The following FAM174B variants were observed in gnomAD, a reference collection of about 807,000 sequenced individuals.
FAM174B encodes the protein membrane protein FAM174B.
In FAM174B, 12 loss-of-function variants were observed where a neutral mutation model predicts 10.9. That is an observed-to-expected ratio of 1.10 (90% CI 0.71 to 1.79). The LOEUF (loss-of-function observed/expected upper bound fraction) is 1.79. Ranked by LOEUF, FAM174B falls within the 40% of genes most tolerant of loss-of-function variation. FAM174B has a pLI of 0.00. For missense variants in FAM174B, 266 were observed against 233.3 expected (o/e 1.14, Z -0.91); for synonymous variants, 132 against 115.8 (o/e 1.14, Z -0.90).
At chr15:92,652,904 C>T (rs1299066549) in intron 1 of FAM174B, among the ~76,000 whole-genome samples, 1 of 152,142 alleles carries the variant, frequency 6.6e-6, no homozygotes, top group Non-Finnish European at 1.5e-5. Flanking sequence ...GGAAAGGCCA[C>T]AGTACAGACC....
At chr15:92,630,380 C>T in intron 1 of FAM174B, 35 bp from the exon 2 acceptor site, 6 of 1,579,366 alleles carry the variant, frequency 3.8e-6, no homozygotes, top group Non-Finnish European at 5.2e-6. Flanking sequence ...GAGAACACAG[C>T]TGGGAGAGAA....
rs752320117 is a variant in FAM174B at position 92,655,639 on chromosome 15, G to A, written c.21C>T (p.Pro7=). The A allele has an allele frequency of 2.8e-5, 35 of 1,255,848 alleles. No homozygotes were observed. The highest frequency in any genetic ancestry group is 8.2e-5 in the Admixed American group (2 of 24,348). 77.8% of individuals were successfully genotyped at this position (1,255,848 alleles called of 1,614,324 possible). ...GCAGCAGCAGCGGCAGGAGCGGGGC[G>A]GGCAGCGGCACGGCGCGCATAGTGC... The part of the protein sequence containing the change: MRAVPL[P]APLLPLLLLA... Residue 7 remains proline (P), a synonymous_variant, in exon 1 of 3, where the codon CCC becomes CCT. Transcript: ENST00000327355.
At chr15:92,622,723 T>C (rs2050727623) in intron 2 of FAM174B, among the ~76,000 whole-genome samples, 9 of 152,370 alleles carry the variant, frequency 5.9e-5, no homozygotes, top group Admixed American at 5.9e-4. Flanking sequence ...GCTCCCTGCA[T>C]GTTGAGCCAC....
chr15:92,638,819 G>C (rs112426253), intron 1 of FAM174B, among the ~76,000 whole-genome samples: 1 of 152,092 alleles, frequency 6.6e-6, no homozygotes, highest in Non-Finnish European at 1.5e-5. Context: ...TCCTTCTTCC[G>C]AATCCTGCAG....
chr15:92,636,425 C>G (rs2050856690), intron 1 of FAM174B, among the ~76,000 whole-genome samples: 1 of 152,220 alleles, frequency 6.6e-6, no homozygotes, highest in Admixed American at 6.5e-5. Context: ...AAGGCATGTG[C>G]TGCTGGTATC....
intron 1 of FAM174B, chr15:92,645,641 A>G (rs3743360): frequency 0.15 from 22,890 of 152,260 alleles, 1,956 homozygotes; most frequent in East Asian, 0.3. Flanking sequence ...GGGCCAGGGA[A>G]GGGAAGTGAG....
intron 1 of FAM174B, among the ~76,000 whole-genome samples, chr15:92,643,499 T>A (rs2254142): frequency 0.17 from 25,125 of 152,178 alleles, 2,210 homozygotes; most frequent in Middle Eastern, 0.23. Context: ...GAATACTTTT[T>A]GCTATATGCT....
intron 1 of FAM174B, among the ~76,000 whole-genome samples, chr15:92,638,238 T>C (rs371972051): frequency 6.6e-6 from 1 of 152,230 alleles, no homozygotes; most frequent in East Asian, 1.9e-4. Context: ...AGATAATTTC[T>C]AGAAGAGATA....
At chr15:92,630,399 T>C in intron 1 of FAM174B, 54 bp from the exon 2 acceptor site, 1 of 1,546,344 alleles carries the variant, frequency 6.5e-7, no homozygotes, top group Non-Finnish European at 8.8e-7. Context: ...AAAGAGTCAC[T>C]GGGCCCCAAG....
chr15:92,626,093 A>G (rs187188037), intron 2 of FAM174B, among the ~76,000 whole-genome samples: 210 of 151,628 alleles, frequency 1.4e-3, no homozygotes, highest in Non-Finnish European at 2.2e-3. Context: ...AGAATTAATA[A>G]AAGTTTAGCA....
At chr15:92,624,127 A>C (rs2050737964) in intron 2 of FAM174B, among the ~76,000 whole-genome samples, 1 of 152,192 alleles carries the variant, frequency 6.6e-6, no homozygotes, top group African/African-American at 2.4e-5. Context: ...AAGAAACAAA[A>C]ATTCTCCATG....
intron 1 of FAM174B, among the ~76,000 whole-genome samples, chr15:92,640,222 G>C (rs2050881304): frequency 6.6e-6 from 1 of 152,012 alleles, no homozygotes; most frequent in African/African-American, 2.4e-5. Context: ...TTTTAAAAAA[G>C]GATGATAAAT....
At chr15:92,645,504 C>T (rs866370710) in intron 1 of FAM174B, 23 of 152,414 alleles carry the variant, frequency 1.5e-4, no homozygotes, top group African/African-American at 5.5e-4. Context: ...GGGATAAATC[C>T]AATGCTTACT....
chr15:92,637,083 A>AC (rs1395826416), intron 1 of FAM174B, among the ~76,000 whole-genome samples: 14 of 151,946 alleles, frequency 9.2e-5, no homozygotes, highest in Non-Finnish European at 2.9e-5. Context: ...GCCTGGCCAC[A>AC]CCCCCAGTTC....
intron 1 of FAM174B, among the ~76,000 whole-genome samples, chr15:92,638,408 G>A (rs570174239): frequency 3.3e-5 from 5 of 152,284 alleles, no homozygotes; most frequent in African/African-American, 1.2e-4. Context: ...GTGCTCATAC[G>A]TCCCACTTAT....
rs919425010 is a variant in FAM174B at position 92,655,603 on chromosome 15, C to T, written c.57G>A (p.Leu19=). The change falls in exon 1 of 3, where the codon CTG becomes CTA. Residue 19 remains leucine, a synonymous_variant. Coordinates refer to ENST00000327355, the MANE Select transcript of FAM174B (RefSeq NM_207446.3). The stretch of plus-strand genomic sequence containing the variant: ...TGCTGGCGCGGGCGGCGGGAGCGGC[C>T]AGGAGCGCGAGCAGCAGCAGCGGCA... ...PLLPLLLLAL[L]AAPAARASRA... 1.3e-5 allele frequency: 17 copies of T among 1,279,936 alleles called. No individual in the cohort carries two copies. The highest frequency in any genetic ancestry group is 1.4e-5 in the Non-Finnish European group (14 of 1,016,186). 79.3% of individuals were successfully genotyped at this position (1,279,936 alleles called of 1,614,324 possible).
chr15:92,650,572 C>T (rs1365258541), intron 1 of FAM174B, among the ~76,000 whole-genome samples: 5 of 152,164 alleles, frequency 3.3e-5, no homozygotes, highest in Admixed American at 1.3e-4. Flanking sequence ...GCAGGGTTTT[C>T]CTGACTTGCC....
Position 92,617,712 on chromosome 15 carries a change from G to A in FAM174B, c.*1744C>T. ...CTGCGAGGTGGCCAGGCTCCCGTGA[G>A]TCACCACTCAGGCCTGAGTACACCG... On this transcript the variant is annotated 3_prime_UTR_variant, in exon 3 of 3. Coordinates refer to ENST00000327355, the MANE Select transcript of FAM174B (RefSeq NM_207446.3). 1.5e-6 allele frequency: 1 copy of A among 682,194 alleles called. No homozygotes were observed. The highest frequency in any genetic ancestry group is 2.6e-6 in the Non-Finnish European group (1 of 377,774). The allele number at this position is 682,194 out of a possible 1,614,324, so 42.3% of individuals were successfully genotyped here. A position where few individuals can be genotyped will look rare whatever the true frequency, so the allele number is the denominator to read the frequency against.
intron 1 of FAM174B, among the ~76,000 whole-genome samples, chr15:92,642,416 C>T (rs1192250645): frequency 6.6e-6 from 1 of 152,126 alleles, no homozygotes; most frequent in Non-Finnish European, 1.5e-5. Flanking sequence ...AACTTAAATA[C>T]CTGATATGGT....
Sources: gnomAD v4.1 joint callset for allele counts (sites outside exome capture counted in the v4.1 genomes callset) on GRCh38, gnomAD v4.1.1 for gene constraint, MANE v1.5 for transcripts, NCBI Gene and HGNC (gene_info 2026-07-23, HGNC 2026-07-21) for gene names.